SIPA1L2: variants seen among roughly 807,000 people sequenced by gnomAD.
SIPA1L2 encodes the protein signal induced proliferation associated 1 like 2, also known as signal-induced proliferation-associated 1-like protein 2.
A neutral mutation model predicts 163.9 loss-of-function variants in SIPA1L2; 56 were observed. The observed-to-expected ratio is 0.34, with a 90% CI of 0.28 to 0.43. SIPA1L2 has a LOEUF of 0.43. SIPA1L2 is among the 20% of genes least tolerant of loss of function. The pLI is 1.00. For synonymous variants in SIPA1L2, 877 were observed against 865.7 expected (o/e 1.01, Z -0.23); for missense variants, 1,974 against 2,193.5 (o/e 0.90, Z 2.00).
At chr1:232,615,220 G>A (rs1054761340) in intron 1 of SIPA1L2, among the ~76,000 whole-genome samples, 2 of 152,194 alleles carry the variant, frequency 1.3e-5, no homozygotes, top group African/African-American at 4.8e-5. Flanking sequence ...CACAGCACTT[G>A]CTGCCCTTGA....
At chr1:232,455,626 AGGCGGAGCTTGCAGC>A (rs1663856529) in intron 10 of SIPA1L2, among the ~76,000 whole-genome samples, 1 of 143,530 alleles carries the variant, frequency 7.0e-6, no homozygotes, top group Admixed American at 7.1e-5. Context: ...GCTTGCAGCG[AGGCGGAGCTTGCAGC>A]GAGCCGGAGC....
chr1:232,472,093 C>G (rs750468342), intron 7 of SIPA1L2, among the ~76,000 whole-genome samples: 2 of 152,154 alleles, frequency 1.3e-5, no homozygotes, highest in Non-Finnish European at 2.9e-5. Context: ...GATTAATAAC[C>G]AGAAGCCCAA....
At chr1:232,456,797 A>G (rs1473021975) in intron 10 of SIPA1L2, among the ~76,000 whole-genome samples, 1 of 152,126 alleles carries the variant, frequency 6.6e-6, no homozygotes, top group African/African-American at 2.4e-5. Flanking sequence ...TGCCACAGAG[A>G]CTGTCTGCTT....
chr1:232,430,142 G>C (rs940756805), intron 16 of SIPA1L2, among the ~76,000 whole-genome samples: 1 of 152,174 alleles, frequency 6.6e-6, no homozygotes, highest in African/African-American at 2.4e-5. Flanking sequence ...AGGACCTCCA[G>C]TCCGGGGGTG....
At chr1:232,463,261 T>C (rs1049232703) in intron 9 of SIPA1L2, among the ~76,000 whole-genome samples, 1 of 152,152 alleles carries the variant, frequency 6.6e-6, no homozygotes, top group Non-Finnish European at 1.5e-5. Flanking sequence ...GACCCTTTAG[T>C]TCCACTTTCC....
At chr1:232,517,652 G>A (rs758267208) in intron 2 of SIPA1L2, among the ~76,000 whole-genome samples, 3 of 152,126 alleles carry the variant, frequency 2.0e-5, no homozygotes, top group Admixed American at 6.6e-5. Context: ...TCTAACATTT[G>A]TAGCTTTCTC....
chr1:232,524,145 T>C (rs954416331), intron 2 of SIPA1L2, among the ~76,000 whole-genome samples: 2 of 152,212 alleles, frequency 1.3e-5, no homozygotes, highest in Non-Finnish European at 2.9e-5. Context: ...CTTCAGTAAA[T>C]CAACGTATTC....
chr1:232,608,149 G>A lies in SIPA1L2; in HGVS notation c.-319+21720C>T, dbSNP rs1055427979. ...ACAACTTCCACCTCCAGACTTAAGC[G>A]ACTCTCATGCCTCAGCCTCCTGAGT... On this transcript the variant is annotated intron_variant, in intron 1 of 22. Coordinates refer to ENST00000674635, the MANE Select transcript of SIPA1L2 (RefSeq NM_020808.5). 2.0e-4 allele frequency among the ~76,000 whole-genome samples: 30 copies of A among 151,062 alleles called. 1 individual carries two copies. Among genetic ancestry groups the A allele is most frequent in the Admixed American group, 1.4e-3 (22 of 15,188 alleles).
Position 232,564,788 on chromosome 1 carries a change from T to C in SIPA1L2, c.-270+9386A>G, listed in dbSNP as rs148247454. 9.2e-5 allele frequency among the ~76,000 whole-genome samples: 14 copies of C among 152,142 alleles called. No individual in the cohort carries two copies. In the East Asian group the frequency reaches 2.7e-3, roughly 29 times the overall value. ...ATAAATTAATACATATTAATATAGA[T>C]GGGAGAAGTAATAAATAATAAGTGT... On this transcript the variant is annotated intron_variant, in intron 2 of 22. Transcript: ENST00000674635.
At chr1:232,503,001 C>T (rs1211072084) in intron 3 of SIPA1L2, among the ~76,000 whole-genome samples, 3 of 152,174 alleles carry the variant, frequency 2.0e-5, no homozygotes, top group African/African-American at 4.8e-5. Context: ...TGGCAAGAGG[C>T]CCTTCCCATC....
chr1:232,612,742 A>G (rs938055771), intron 1 of SIPA1L2, among the ~76,000 whole-genome samples: 2 of 152,134 alleles, frequency 1.3e-5, no homozygotes, highest in African/African-American at 2.4e-5. Context: ...GTCTCAGATG[A>G]GACTTTGGAC....
intron 10 of SIPA1L2, among the ~76,000 whole-genome samples, chr1:232,451,201 A>C (rs1465241607): frequency 6.6e-6 from 1 of 152,220 alleles, no homozygotes; most frequent in Non-Finnish European, 1.5e-5. Flanking sequence ...ATATATGAGA[A>C]ATTCCTTAAA....
chr1:232,415,486 G>C lies in SIPA1L2; in HGVS notation c.4762+8C>G. ...AAGGGGTGAGGCCAGAGGCTGGTGA[G>C]TCTTTACCTTCAAATGCCCGTGCAG... On this transcript the variant is annotated splice_region_variant and intron_variant, in intron 19 of 22. Transcript: ENST00000674635. The C allele has an allele frequency of 1.2e-6, 2 of 1,606,908 alleles. No individual in the cohort carries two copies. The highest frequency in any genetic ancestry group is 1.7e-5 in the Admixed American group (1 of 58,588).
chr1:232,416,850 C>A (rs1008765934), intron 18 of SIPA1L2, among the ~76,000 whole-genome samples: 1 of 152,128 alleles, frequency 6.6e-6, no homozygotes, highest in African/African-American at 2.4e-5. Flanking sequence ...ATGAATGGAC[C>A]TTTTCCATTT....
intron 1 of SIPA1L2, among the ~76,000 whole-genome samples, chr1:232,587,981 T>C (rs1416576507): frequency 6.6e-6 from 1 of 152,154 alleles, no homozygotes; most frequent in Non-Finnish European, 1.5e-5. Context: ...GTACTGTGGG[T>C]CCATTAAACC....
intron 19 of SIPA1L2, among the ~76,000 whole-genome samples, chr1:232,405,714 G>T (rs375776218): frequency 6.6e-6 from 1 of 152,182 alleles, no homozygotes; most frequent in East Asian, 1.9e-4. Flanking sequence ...AAAGAAAATG[G>T]ATAAAAATTT....
chr1:232,440,772 C>T (rs1013927582), intron 14 of SIPA1L2, among the ~76,000 whole-genome samples: 3 of 152,226 alleles, frequency 2.0e-5, no homozygotes, highest in African/African-American at 7.2e-5. Context: ...CAGTCTCCCT[C>T]GAGGCTCACC....
At chr1:232,602,827 A>G (rs549232052) in intron 1 of SIPA1L2, among the ~76,000 whole-genome samples, 12 of 152,362 alleles carry the variant, frequency 7.9e-5, no homozygotes, top group East Asian at 7.7e-4. Flanking sequence ...TGGCAGCTAC[A>G]TGGGGCCGTT....
intron 1 of SIPA1L2, among the ~76,000 whole-genome samples, 65 bp downstream of exon 1, chr1:232,629,804 C>T (rs1663288013): frequency 6.6e-6 from 1 of 152,002 alleles, no homozygotes; most frequent in African/African-American, 2.4e-5. Context: ...GGACAGTCCC[C>T]GCCTGGCCGC....
Sources: gnomAD v4.1 joint callset for allele counts (sites outside exome capture counted in the v4.1 genomes callset) on GRCh38, gnomAD v4.1.1 for gene constraint, MANE v1.5 for transcripts, NCBI Gene and HGNC (gene_info 2026-07-23, HGNC 2026-07-21) for gene names.